The following CTNNAL1 variants were observed in gnomAD, a reference collection of about 807,000 sequenced individuals.
CTNNAL1 encodes the protein catenin alpha like 1, also known as alpha-catulin.
A neutral mutation model predicts 93.6 loss-of-function variants in CTNNAL1; 69 were observed. The ratio of observed to expected loss-of-function variants is 0.74; its 90% confidence interval spans 0.61 to 0.90. The LOEUF (loss-of-function observed/expected upper bound fraction) is 0.90, where lower values mean the gene tolerates loss of function less well. CTNNAL1 is among the 40% of genes least tolerant of loss of function. CTNNAL1 has a pLI of 0.00. For missense variants in CTNNAL1, 836 were observed against 862.0 expected, an observed-to-expected ratio of 0.97 and a Z score of 0.38; for synonymous variants, 286 against 305.4, an observed-to-expected ratio of 0.94 and a Z score of 0.66.
At chr9:108,966,895 A>G (rs1205374171) in intron 10 of CTNNAL1, among the ~76,000 whole-genome samples, 1 of 152,220 alleles carries the variant, frequency 6.6e-6, no homozygotes, top group Non-Finnish European at 1.5e-5. Context: ...TTCTACCTCA[A>G]AATAGAAGCC....
chr9:108,950,009 G>A (rs1173591921), intron 14 of CTNNAL1, among the ~76,000 whole-genome samples: 5 of 136,140 alleles, frequency 3.7e-5, no homozygotes, highest in South Asian at 2.5e-4. Flanking sequence ...GGGTGACAGA[G>A]CAAGGCTACA....
intron 8 of CTNNAL1, among the ~76,000 whole-genome samples, chr9:108,973,680 C>CTT (rs11330919): frequency 9.0e-6 from 1 of 111,190 alleles, no homozygotes; most frequent in Admixed American, 8.7e-5. Context: ...CTTATCTTGC[C>CTT]TTTTTTTTTT....
chr9:108,958,226 A>G (rs1830735393), intron 11 of CTNNAL1, among the ~76,000 whole-genome samples: 1 of 152,172 alleles, frequency 6.6e-6, no homozygotes, highest in South Asian at 2.1e-4. Flanking sequence ...TATAGTGCCC[A>G]TGGCCCTAAA....
At chr9:108,949,835 C>A (rs1238174914) in intron 14 of CTNNAL1, among the ~76,000 whole-genome samples, 1 of 151,886 alleles carries the variant, frequency 6.6e-6, no homozygotes, top group East Asian at 1.9e-4. Flanking sequence ...CAGAGCAAGA[C>A]TCCGTCTCAA....
intron 4 of CTNNAL1, among the ~76,000 whole-genome samples, chr9:108,989,027 C>T (rs1426597607): frequency 6.6e-6 from 1 of 152,136 alleles, no homozygotes; most frequent in African/African-American, 2.4e-5. Context: ...TCAGGGGTCC[C>T]ACATTTAATG....
At chr9:109,005,523 C>T (rs1328493127) in intron 1 of CTNNAL1, among the ~76,000 whole-genome samples, 1 of 152,054 alleles carries the variant, frequency 6.6e-6, no homozygotes, top group Non-Finnish European at 1.5e-5. Flanking sequence ...AAAGAGGCCT[C>T]AGAAAGCTCT....
intron 1 of CTNNAL1, among the ~76,000 whole-genome samples, chr9:109,010,382 C>T (rs1177459926): frequency 6.6e-6 from 1 of 152,162 alleles, no homozygotes; most frequent in East Asian, 1.9e-4. Context: ...CCTTTTATTT[C>T]TTCTCCTTGT....
At position 108,948,443 on chromosome 9, in the gene CTNNAL1, TTA is replaced by T. The variant is rs1478292512; in HGVS notation, c.1836-211_1836-210del. On this transcript the variant is annotated intron_variant, in intron 14 of 18. Transcript: ENST00000325551. ...TAAGATATTTTTCCCCAAGTAAACC[TTA>T]TGTTAATTTCATAATATAAAAAATT... 4.6e-5 allele frequency among the ~76,000 whole-genome samples: 7 copies of T among 152,318 alleles called. No individual in the cohort carries two copies. In the East Asian group the frequency reaches 1.4e-3, roughly 29 times the overall value.
chr9:109,007,311 T>C (rs1241453565), intron 1 of CTNNAL1, among the ~76,000 whole-genome samples: 1 of 152,162 alleles, frequency 6.6e-6, no homozygotes, highest in East Asian at 1.9e-4. Context: ...GGGCGCCTTA[T>C]CTACTCTCTT....
intron 12 of CTNNAL1, among the ~76,000 whole-genome samples, chr9:108,954,898 T>A (rs534953897): frequency 6.6e-6 from 1 of 152,312 alleles, no homozygotes; most frequent in African/African-American, 2.4e-5. Flanking sequence ...CATTGCAAGT[T>A]CTCTCTTCTG....
intron 4 of CTNNAL1, among the ~76,000 whole-genome samples, chr9:108,989,589 C>A (rs1000888000): frequency 3.9e-5 from 6 of 152,124 alleles, no homozygotes; most frequent in Non-Finnish European, 7.4e-5. Context: ...GGACTACACC[C>A]AGAACCATCC....
At chr9:108,967,798 A>C (rs1270203279) in intron 10 of CTNNAL1, among the ~76,000 whole-genome samples, 2 of 152,218 alleles carry the variant, frequency 1.3e-5, no homozygotes, top group African/African-American at 4.8e-5. Flanking sequence ...GCCAGTGGCC[A>C]TGTAATGGAG....
chr9:108,961,571 G>C (rs1427361777), intron 11 of CTNNAL1, among the ~76,000 whole-genome samples: 1 of 152,162 alleles, frequency 6.6e-6, no homozygotes, highest in Non-Finnish European at 1.5e-5. Context: ...TAGGAAGTTT[G>C]GGTAATGCTG....
intron 14 of CTNNAL1, among the ~76,000 whole-genome samples, chr9:108,949,262 A>G (rs1034689548): frequency 6.6e-6 from 1 of 152,194 alleles, no homozygotes; most frequent in Admixed American, 6.5e-5. Context: ...AAGAAGTCCT[A>G]TTCCACAGAG....
intron 3 of CTNNAL1, chr9:108,992,171 G>A (rs1319636505): frequency 5.4e-5 from 34 of 634,290 alleles, no homozygotes; most frequent in Non-Finnish European, 9.1e-5. Flanking sequence ...TCCAAATGTT[G>A]TACACATTTA....
In CTNNAL1 at chr9:108,942,682, A is replaced by G; in HGVS notation, c.*87T>C. On this transcript the variant is annotated 3_prime_UTR_variant, in exon 19 of 19. Coordinates refer to ENST00000325551, the MANE Select transcript of CTNNAL1 (RefSeq NM_003798.4). Reference sequence around the variant, plus strand: ...TATTGTTTTCTTTATAAAATTGATGAATTTCTGAAAAGATAAAGGATCATT... The same window carrying G: ...TATTGTTTTCTTTATAAAATTGATGGATTTCTGAAAAGATAAAGGATCATT... 1.1e-6 allele frequency: 1 copy of G among 920,840 alleles called. No homozygotes were observed. 57.0% of individuals were successfully genotyped at this position (920,840 alleles called of 1,614,324 possible). A position where few individuals can be genotyped will look rare whatever the true frequency, so the allele number is the denominator to read the frequency against.
At chr9:108,949,471 G>A (rs1049702768) in intron 14 of CTNNAL1, among the ~76,000 whole-genome samples, 12 of 152,224 alleles carry the variant, frequency 7.9e-5, no homozygotes, top group Admixed American at 5.9e-4. Flanking sequence ...ACTTTGGGAG[G>A]CCAAGGTGGG....
chr9:108,990,291 G>A (rs1221830676), intron 4 of CTNNAL1, among the ~76,000 whole-genome samples: 1 of 141,936 alleles, frequency 7.0e-6, no homozygotes, highest in Non-Finnish European at 1.6e-5. Context: ...CATAGGCAGT[G>A]CAAATAAATA....
chr9:108,951,971 A>G (rs758006383), intron 14 of CTNNAL1, among the ~76,000 whole-genome samples: 11 of 152,238 alleles, frequency 7.2e-5, no homozygotes, highest in Non-Finnish European at 1.3e-4. Context: ...AATTATTTCA[A>G]TGATGGAAAG....
Sources: gnomAD v4.1 joint callset for allele counts (sites outside exome capture counted in the v4.1 genomes callset) on GRCh38, gnomAD v4.1.1 for gene constraint, MANE v1.5 for transcripts, NCBI Gene and HGNC (gene_info 2026-07-23, HGNC 2026-07-21) for gene names.